The following TMTC4 variants were observed in gnomAD, a reference collection of about 807,000 sequenced individuals.
TMTC4 encodes protein O-mannosyl-transferase TMTC4.
TMTC4 carries 65 observed loss-of-function variants against 86.0 expected under a neutral mutation model. The ratio of observed to expected loss-of-function variants is 0.76; its 90% CI spans 0.62 to 0.93. The LOEUF is 0.93. Ranked by LOEUF, TMTC4 falls within the 40% of genes least tolerant of loss-of-function variation. TMTC4 has a pLI of 0.00. For synonymous variants in TMTC4, 379 were observed against 382.5 expected, an observed-to-expected ratio of 0.99 and a Z score of 0.11; for missense variants, 866 against 948.1, an observed-to-expected ratio of 0.91 and a Z score of 1.14.
At chr13:100,632,449 C>T (rs4772319) in intron 12 of TMTC4, among the ~76,000 whole-genome samples, 3 of 151,996 alleles carry the variant, frequency 2.0e-5, no homozygotes, top group Non-Finnish European at 2.9e-5. Flanking sequence ...GAACTCCACA[C>T]ATAGAAGGGG....
In TMTC4 at chr13:100,637,978, A is replaced by G; in HGVS notation, c.786T>C (p.Asn262=). The G allele has an allele frequency of 6.2e-7, 1 of 1,614,082 alleles. No homozygotes were observed. The highest frequency in any genetic ancestry group is 8.5e-7 in the Non-Finnish European group (1 of 1,180,000). ...VFDILVIGKF[N]VLEIVQKVLH... ...GTACCTTCTGGACAATTTCCAGAAC[A>G]TTGAATTTGCCTATCACCAAGATGT... is the stretch of plus-strand genomic sequence containing the variant. Residue 262 remains asparagine, a synonymous_variant, in exon 8 of 19, where the codon AAT becomes AAC. Coordinates refer to ENST00000342624, the MANE Select transcript of TMTC4 (RefSeq NM_032813.5).
At chr13:100,662,014 G>C (rs544039423) in intron 5 of TMTC4, among the ~76,000 whole-genome samples, 1 of 152,040 alleles carries the variant, frequency 6.6e-6, no homozygotes, top group African/African-American at 2.4e-5. Context: ...GCAGGGGGCG[G>C]TTCCTGACAA....
At position 100,663,118 on chromosome 13, in the gene TMTC4, A is replaced by G; in HGVS notation, c.398T>C (p.Leu133Pro). 1 of 1,614,240 alleles carries G rather than the reference A, an allele frequency of 6.2e-7. No individual in the cohort carries two copies. Among genetic ancestry groups the G allele is most frequent in the Non-Finnish European group, 8.5e-7 (1 of 1,180,042 alleles). ...CATGAGGACAGAGATGCCACTGTGC[A>G]GGAGGATGTTGACCACGTGAAAGCC... ...PVGFHVVNIL[L>P]HSGISVLMVD... The change falls in exon 5 of 19, where the codon CTG (leucine) becomes CCG (proline). Residue 133 changes from leucine to proline, a missense_variant. Leu to Pro is a moderately conservative substitution (Grantham distance 98). Transcript: ENST00000342624.
chr13:100,660,330 CAAAA>C (rs56177115), intron 5 of TMTC4, among the ~76,000 whole-genome samples: 14 of 131,126 alleles, frequency 1.1e-4, no homozygotes, highest in South Asian at 7.1e-4. Flanking sequence ...GACTGTGTAT[CAAAA>C]AAAAAAAAAA....
intron 5 of TMTC4, among the ~76,000 whole-genome samples, chr13:100,658,654 T>C (rs961927622): frequency 1.3e-5 from 2 of 152,146 alleles, no homozygotes; most frequent in African/African-American, 4.8e-5. Flanking sequence ...CCACTTGCTA[T>C]CTGGGTGGCT....
intron 5 of TMTC4, among the ~76,000 whole-genome samples, chr13:100,659,375 C>T (rs886135444): frequency 1.2e-4 from 19 of 152,320 alleles, no homozygotes; most frequent in Admixed American, 1.2e-3. Flanking sequence ...TTGGGCAGTC[C>T]TCCTGCCTCA....
chr13:100,670,472 C>G lies in TMTC4; in HGVS notation c.-110G>C, dbSNP rs1405410759. ...CTGCTTGTCTCTCGAGCCTCACAGC[C>G]TGGCATACGGCATGCTCTCAGCAAG... On this transcript the variant is annotated 5_prime_UTR_variant, in exon 2 of 19. Coordinates refer to ENST00000342624, the MANE Select transcript of TMTC4 (RefSeq NM_032813.5). The G allele has an allele frequency of 5.9e-6, 7 of 1,191,898 alleles. No individual in the cohort carries two copies. The Admixed American group carries it at 1.6e-4, about 28-fold the overall frequency. The allele number at this position is 1,191,898 out of a possible 1,614,324, so 73.8% of individuals were successfully genotyped here.
At chr13:100,619,328 G>GACACACACAC (rs34662519) in intron 15 of TMTC4, among the ~76,000 whole-genome samples, 6 of 145,924 alleles carry the variant, frequency 4.1e-5, no homozygotes, top group African/African-American at 1.5e-4. Flanking sequence ...AATAAAAGCA[G>GACACACACAC]ACACACACAC....
Position 100,634,749 on chromosome 13 carries a change from G to A in TMTC4, c.1506+56C>T, listed in dbSNP as rs545164552. The A allele has an allele frequency of 4.3e-4, 675 of 1,574,112 alleles. 1 individual carries two copies. The highest frequency in any genetic ancestry group is 5.6e-4 in the Non-Finnish European group (646 of 1,160,682). On this transcript the variant is annotated intron_variant, in intron 12 of 18. Coordinates refer to ENST00000342624, the MANE Select transcript of TMTC4 (RefSeq NM_032813.5). ...CAGGAAATGTTCTTATTCAGCCCAA[G>A]AACTTAACAGATACCCTAGTAAGGT...
In TMTC4 at chr13:100,635,038, G is replaced by A. The variant is rs531704992; in HGVS notation, c.1360C>T (p.His454Tyr). The A allele has an allele frequency of 1.2e-5, 19 of 1,611,760 alleles. No individual in the cohort carries two copies. In the Admixed American group the frequency reaches 2.7e-4, roughly 23 times the overall value. Residue 454 changes from histidine (H) to tyrosine (Y), a missense_variant, in exon 11 of 19, where the codon CAT becomes TAT. Transcript: ENST00000342624. ...LTFGFGALSK[H>Y]TKKKKLIAAV... The stretch of plus-strand genomic sequence containing the variant: ...TCAGTTGATACCTTTTTCTTGGTAT[G>A]TTTGCTCAGGGCTCCGAATCCAAAA...
At position 100,662,976 on chromosome 13, in the gene TMTC4, C is replaced by G; in HGVS notation, c.540G>C (p.Val180=). The G allele has an allele frequency of 6.2e-7, 1 of 1,613,902 alleles. No individual in the cohort carries two copies. Among genetic ancestry groups the G allele is most frequent in the South Asian group, 1.1e-5 (1 of 91,046 alleles). The part of the protein sequence containing the change: ...LAALLFAVHP[V]HTECVAGVVG... The stretch of plus-strand genomic sequence containing the variant: ...AGACGACACTTACACACTCGGTGTG[C>G]ACAGGATGGACAGCAAACAGCAGCG... The change falls in exon 5 of 19, where the codon GTG becomes GTC. Residue 180 remains valine, a synonymous_variant. Coordinates refer to ENST00000342624, the MANE Select transcript of TMTC4 (RefSeq NM_032813.5).
intron 1 of TMTC4, chr13:100,674,485 C>T: frequency 1.4e-6 from 1 of 730,476 alleles, no homozygotes; most frequent in African/African-American, 1.9e-5. Flanking sequence ...GGGGCCCGAG[C>T]GCGGCGGGCG....
At chr13:100,612,541 A>T in intron 16 of TMTC4, 31 bp from the exon 17 acceptor site, 1 of 1,533,088 alleles carries the variant, frequency 6.5e-7, no homozygotes, top group Non-Finnish European at 9.0e-7. Flanking sequence ...AATAAAAGAC[A>T]TGTTAATGTT....
At position 100,667,652 on chromosome 13, in the gene TMTC4, T is replaced by A. The variant is rs543882154; in HGVS notation, c.219+927A>T. Among the ~76,000 whole-genome samples the A allele has an allele frequency of 1.7e-3, 253 of 152,322 alleles. 1 individual carries two copies. Among genetic ancestry groups the A allele is most frequent in the African/African-American group, 5.7e-3 (239 of 41,576 alleles). The stretch of plus-strand genomic sequence containing the variant: ...GGTAGAATCCATAACTTCACATTTT[T>A]AAGAGCATTCAACAGTGTTACAAAG... On this transcript the variant is annotated intron_variant, in intron 3 of 18. Coordinates refer to ENST00000342624, the MANE Select transcript of TMTC4 (RefSeq NM_032813.5).
chr13:100,670,312 T>C, intron 2 of TMTC4, 48 bp downstream of exon 2: 1 of 1,596,204 alleles, frequency 6.3e-7, no homozygotes, highest in South Asian at 1.1e-5. Context: ...TCTATAGCCT[T>C]CTGTCTGAGT....
intron 5 of TMTC4, among the ~76,000 whole-genome samples, chr13:100,660,434 CA>C (rs1172941038): frequency 6.6e-6 from 1 of 151,894 alleles, no homozygotes; most frequent in East Asian, 1.9e-4. Context: ...TACACTGAGA[CA>C]AATGGGGTAA....
intron 1 of TMTC4, among the ~76,000 whole-genome samples, chr13:100,671,860 C>A (rs1887144284): frequency 6.8e-6 from 1 of 146,880 alleles, no homozygotes; most frequent in African/African-American, 2.5e-5. Flanking sequence ...TGGAAAATGC[C>A]TTTCACTAGC....
intron 3 of TMTC4, among the ~76,000 whole-genome samples, chr13:100,666,574 T>C (rs575363789): frequency 3.9e-5 from 6 of 152,232 alleles, no homozygotes; most frequent in Non-Finnish European, 8.8e-5. Context: ...GGTTTCTGAA[T>C]TAACACTTTA....
At chr13:100,664,165 A>G in intron 4 of TMTC4, 56 bp downstream of exon 4, 1 of 1,447,226 alleles carries the variant, frequency 6.9e-7, no homozygotes, top group Non-Finnish European at 9.4e-7. Flanking sequence ...ACCTGTATCC[A>G]ATGTCACACA....
Sources: allele counts gnomAD v4.1 joint callset (sites outside exome capture counted in the v4.1 genomes callset), GRCh38; gene constraint gnomAD v4.1.1; transcripts MANE v1.5; gene names NCBI Gene and HGNC (gene_info 2026-07-23, HGNC 2026-07-21).